The following ADGRD1 variants were observed in gnomAD, a reference collection of about 807,000 sequenced individuals.
ADGRD1 encodes the protein adhesion G protein-coupled receptor D1.
A neutral mutation model predicts 113.4 loss-of-function variants in ADGRD1; 77 were observed. The ratio of observed to expected loss-of-function variants is 0.68; its 90% confidence interval spans 0.57 to 0.82. The LOEUF (loss-of-function observed/expected upper bound fraction) is 0.82, where lower values mean the gene tolerates loss of function less well. Ranked by LOEUF, ADGRD1 falls within the 40% of genes least tolerant of loss-of-function variation. ADGRD1 has a pLI of 0.00. For missense variants in ADGRD1, 1,036 were observed against 1,139.1 expected (o/e 0.91, Z 1.30); for synonymous variants, 474 against 475.0 (o/e 1.00, Z 0.03).
chr12:130,958,324 C>A (rs12309915), intron 2 of ADGRD1, among the ~76,000 whole-genome samples: 3 of 151,694 alleles, frequency 2.0e-5, no homozygotes, highest in Admixed American at 6.6e-5. Flanking sequence ...CTCAGTCACC[C>A]GAGCAGCTGG....
chr12:130,954,636 T>G lies in ADGRD1; in HGVS notation c.79T>G (p.Tyr27Asp). ...CTTTTGTGCGCAGGTGCGTGGCGTCTACTCCAGATCGCAGGACCATCCAGG... is the reference window on the plus strand; with the variant it reads ...CTTTTGTGCGCAGGTGCGTGGCGTCGACTCCAGATCGCAGGACCATCCAGG... Reference protein sequence around the residue: ...FYYNFQVRGVYSRSQDHPGFQ... With the variant: ...FYYNFQVRGVDSRSQDHPGFQ... The change falls in exon 2 of 25, where the codon TAC (tyrosine) becomes GAC (aspartate). Residue 27 changes from tyrosine to aspartate, a missense_variant. Physicochemically the swap from Tyr to Asp is radical, Grantham distance 160 (BLOSUM62 -3). Coordinates refer to ENST00000261654, the MANE Select transcript of ADGRD1 (RefSeq NM_198827.5). This position sits in a 1 kb window ranked among gnomAD's most constrained non-coding sequence, Gnocchi z 4.7. The G allele has an allele frequency of 6.2e-7, 1 of 1,613,740 alleles. No homozygotes were observed. The highest frequency in any genetic ancestry group is 1.1e-5 in the South Asian group (1 of 91,064).
intron 13 of ADGRD1, chr12:131,026,414 C>T (rs1347624046): frequency 1.3e-5 from 2 of 152,180 alleles, no homozygotes; most frequent in African/African-American, 4.8e-5. Flanking sequence ...TGTCCGATCT[C>T]TCAGGGCATT....
intron 2 of ADGRD1, chr12:130,957,540 C>T (rs1451628386): frequency 6.6e-6 from 1 of 152,408 alleles, no homozygotes; most frequent in African/African-American, 2.4e-5. Context: ...CACATGTACA[C>T]CTATTTACAC....
At chr12:131,107,536 C>G (rs952184145) in intron 17 of ADGRD1, among the ~76,000 whole-genome samples, 1 of 150,586 alleles carries the variant, frequency 6.6e-6, no homozygotes, top group African/African-American at 2.5e-5. Flanking sequence ...GTCCCGCTCT[C>G]CCAGAGACCT....
intron 14 of ADGRD1, among the ~76,000 whole-genome samples, chr12:131,081,587 G>A (rs533209482): frequency 1.3e-5 from 2 of 152,192 alleles, no homozygotes; most frequent in South Asian, 2.1e-4. Flanking sequence ...CCTCCTGCCC[G>A]TTCTGTGTGC....
intron 13 of ADGRD1, among the ~76,000 whole-genome samples, chr12:131,055,634 GCT>G (rs1408413664): frequency 6.6e-6 from 1 of 152,146 alleles, no homozygotes; most frequent in African/African-American, 2.4e-5. Flanking sequence ...GCGTTTGTGT[GCT>G]CCAGGCCTGG....
At chr12:131,035,173 C>T (rs11061296) in intron 13 of ADGRD1, 4,129 of 152,990 alleles carry the variant, frequency 0.027, 163 homozygotes, top group Admixed American at 0.11. Flanking sequence ...GCACTCTCCT[C>T]CTCCCCTTCC....
At chr12:131,086,693 G>C (rs1450599374) in intron 15 of ADGRD1, among the ~76,000 whole-genome samples, 1 of 152,250 alleles carries the variant, frequency 6.6e-6, no homozygotes, top group Non-Finnish European at 1.5e-5. Flanking sequence ...GGCACCTGCA[G>C]CCAGTGTGAT....
chr12:131,085,805 A>T (rs1292975651), intron 15 of ADGRD1, among the ~76,000 whole-genome samples: 4 of 152,154 alleles, frequency 2.6e-5, no homozygotes. Context: ...AGAGAGGGCC[A>T]GGCTGGAGGG....
intron 13 of ADGRD1, among the ~76,000 whole-genome samples, chr12:131,018,331 G>A (rs1878888466): frequency 6.6e-6 from 1 of 152,206 alleles, no homozygotes; most frequent in Non-Finnish European, 1.5e-5. Flanking sequence ...TTCACGCCGG[G>A]ATGAGGGGCA....
At chr12:131,059,546 T>C (rs1026007271) in intron 13 of ADGRD1, among the ~76,000 whole-genome samples, 2 of 152,218 alleles carry the variant, frequency 1.3e-5, no homozygotes, top group African/African-American at 4.8e-5. Context: ...TTGGTTTTCC[T>C]TTATACAGGT....
intron 13 of ADGRD1, among the ~76,000 whole-genome samples, chr12:131,076,578 G>A (rs2137166621): frequency 6.6e-6 from 1 of 152,082 alleles, no homozygotes; most frequent in African/African-American, 2.4e-5. Flanking sequence ...CCCGGCACCT[G>A]CCAGGGCCCT....
intron 15 of ADGRD1, among the ~76,000 whole-genome samples, chr12:131,085,067 T>G (rs2137215727): frequency 6.6e-6 from 1 of 151,950 alleles, no homozygotes; most frequent in East Asian, 1.9e-4. Context: ...TCTTGAGGAG[T>G]TTGTGTTCTA....
At chr12:131,070,023 C>T (rs1327576691) in intron 13 of ADGRD1, 1 of 152,168 alleles carries the variant, frequency 6.6e-6, no homozygotes, top group Non-Finnish European at 1.5e-5. Flanking sequence ...TGTGGAGGTT[C>T]CTATTCCCAC....
chr12:131,011,424 A>T (rs933777215), intron 12 of ADGRD1, among the ~76,000 whole-genome samples: 2 of 151,932 alleles, frequency 1.3e-5, no homozygotes, highest in Admixed American at 1.3e-4. Flanking sequence ...TGTTTTTCCT[A>T]AGAAATGGAT....
intron 22 of ADGRD1, 77 bp downstream of exon 22, chr12:131,136,240 G>C: frequency 6.4e-7 from 1 of 1,555,442 alleles, no homozygotes; most frequent in Non-Finnish European, 8.8e-7. Context: ...TAGGGCTGCA[G>C]GGGCAGGAGG....
Position 131,131,782 on chromosome 12 carries a change from A to C in ADGRD1, c.2233A>C (p.Asn745His), listed in dbSNP as rs1389841586. 4 of 1,613,254 alleles carry C rather than the reference A, an allele frequency of 2.5e-6. No individual in the cohort carries two copies. The East Asian group carries it at 6.7e-5, about 27-fold the overall frequency. ...AGTCATCTCACAGATCAGCGCCGACAACTACAAGATCCATGGAGACCCCAG... is the reference window on the plus strand; with the variant it reads ...AGTCATCTCACAGATCAGCGCCGACCACTACAAGATCCATGGAGACCCCAG... ...TRVISQISAD[N>H]YKIHGDPSAF... The change falls in exon 21 of 25, where the codon AAC (asparagine) becomes CAC (histidine). Residue 745 changes from asparagine (N) to histidine (H), a missense_variant. Transcript: ENST00000261654.
chr12:131,087,062 C>G (rs1403645224), intron 15 of ADGRD1, among the ~76,000 whole-genome samples: 1 of 152,088 alleles, frequency 6.6e-6, no homozygotes, highest in Non-Finnish European at 1.5e-5. Context: ...CATGCCACAA[C>G]GCCTGGCTAA....
chr12:130,981,813 G>T, intron 4 of ADGRD1, 71 bp from the exon 5 acceptor site: 1 of 1,003,076 alleles, frequency 1.0e-6, no homozygotes, highest in Non-Finnish European at 1.5e-6. Flanking sequence ...AAAAAGCAAA[G>T]AGAACCATGT....
Sources: allele counts gnomAD v4.1 joint callset (sites outside exome capture counted in the v4.1 genomes callset), GRCh38; gene constraint gnomAD v4.1.1; non-coding constraint Gnocchi (gnomAD v3.1); transcripts MANE v1.5; gene names NCBI Gene and HGNC (gene_info 2026-07-23, HGNC 2026-07-21).